PLEKHG3: variants seen among roughly 807,000 people sequenced by gnomAD.
PLEKHG3 encodes the protein pleckstrin homology domain-containing family G member 3.
A neutral mutation model predicts 94.9 loss-of-function variants in PLEKHG3; 62 were observed. The observed-to-expected ratio is 0.65, with a 90% confidence interval of 0.53 to 0.81. The LOEUF is 0.81. Among genes scored for constraint, PLEKHG3 ranks in the 30% least tolerant of loss-of-function variants. The probability of loss-of-function intolerance (pLI) is 0.00; values close to 1 mark genes in which losing one functional copy is unlikely to be tolerated. For synonymous variants in PLEKHG3, 614 were observed against 654.0 expected, an observed-to-expected ratio of 0.94 and a Z score of 0.93; for missense variants, 1,461 against 1,619.3, an observed-to-expected ratio of 0.90 and a Z score of 1.68.
chr14:64,750,249 G>A lies in PLEKHG3; in HGVS notation c.*6546G>A. ...TCACCATTAAAAAAAATTACACCAT[G>A]TTTGTTCTGATACATAGTAACATGT... On this transcript the variant is annotated 3_prime_UTR_variant, in exon 17 of 17. Transcript: ENST00000247226. 1 of 1,279,570 alleles carries A rather than the reference G, an allele frequency of 7.8e-7. No homozygotes were observed. The highest frequency in any genetic ancestry group is 1.1e-6 in the Non-Finnish European group (1 of 929,412). The allele number at this position is 1,279,570 out of a possible 1,614,324, so 79.3% of individuals were successfully genotyped here.
chr14:64,738,204 C>A lies in PLEKHG3; in HGVS notation c.1405-538C>A. ...CTGGCACTATCGGGCCAACGCTTTA[C>A]TTTTCTCCCGGGGCGCTATGGTGAG... On this transcript the variant is annotated intron_variant, in intron 14 of 16. Transcript: ENST00000247226. The surrounding 1 kb of genome is among the most constrained non-coding windows in gnomAD (Gnocchi z 4.8). The A allele has an allele frequency of 7.8e-7, 1 of 1,289,120 alleles. No individual in the cohort carries two copies. The highest frequency in any genetic ancestry group is 1.0e-6 in the Non-Finnish European group (1 of 989,074). The allele number at this position is 1,289,120 out of a possible 1,614,324, so 79.9% of individuals were successfully genotyped here.
intron 3 of PLEKHG3, among the ~76,000 whole-genome samples, chr14:64,729,657 C>G (rs1267873867): frequency 6.6e-6 from 1 of 152,142 alleles, no homozygotes; most frequent in Non-Finnish European, 1.5e-5. Context: ...AACAGCGGTG[C>G]TAGGACAGGA....
At chr14:64,711,408 CT>C (rs779751938) in intron 1 of PLEKHG3, among the ~76,000 whole-genome samples, 7 of 149,406 alleles carry the variant, frequency 4.7e-5, no homozygotes, top group African/African-American at 1.5e-4. Context: ...AACAAGAATG[CT>C]TTTTTTTTGT....
rs953015980 is a variant in PLEKHG3 at position 64,717,201 on chromosome 14, G to C, written c.-39-10392G>C. ...CCACTTTCCTAACTTCTCTGGGTCA[G>C]GCACCAAGCCCAAGGTCAGAGCCCA... is the stretch of plus-strand genomic sequence containing the variant. On this transcript the variant is annotated intron_variant, in intron 1 of 16. Transcript: ENST00000247226. This position sits in a 1 kb window ranked among gnomAD's most constrained non-coding sequence, Gnocchi z 4.7. 6.6e-6 allele frequency among the ~76,000 whole-genome samples: 1 copy of C among 152,000 alleles called. No homozygotes were observed.
Position 64,741,162 on chromosome 14 carries a change from C to G in PLEKHG3, c.1645C>G (p.Gln549Glu). Residue 549 changes from glutamine (Q) to glutamate (E), a missense_variant, in exon 16 of 17, where the codon CAG becomes GAG. Around this residue, in one of 3 missense-constraint regions of PLEKHG3, gnomAD observed 1,201 missense variants for 1,295.5 expected, o/e 0.93. Transcript: ENST00000247226. ...CCTGGAGACACAGCTTGATGCCCACCAGGGCCTTCTGGGGATGGACCCCCC... is the reference window on the plus strand; with the variant it reads ...CCTGGAGACACAGCTTGATGCCCACGAGGGCCTTCTGGGGATGGACCCCCC... Reference protein sequence around the residue: ...EVLETQLDAHQGLLGMDPPGD... With the variant: ...EVLETQLDAHEGLLGMDPPGD... 1 of 1,614,148 alleles carries G rather than the reference C, an allele frequency of 6.2e-7. No individual in the cohort carries two copies. Among genetic ancestry groups the G allele is most frequent in the Non-Finnish European group, 8.5e-7 (1 of 1,180,020 alleles).
In PLEKHG3 at chr14:64,737,937, G is replaced by A. The variant is rs1370877319; in HGVS notation, c.1404+562G>A. 5.7e-6 allele frequency: 7 copies of A among 1,224,606 alleles called. No individual in the cohort carries two copies. In the South Asian group the frequency reaches 5.8e-5, roughly 10 times the overall value. 75.9% of individuals were successfully genotyped at this position (1,224,606 alleles called of 1,614,324 possible). On this transcript the variant is annotated intron_variant, in intron 14 of 16. Transcript: ENST00000247226. ...TCGGGGCCTGCAGCCAGAGGCTGAA[G>A]GGGCTACCCAGGAGGAGGAAGAGGA...
rs190611029 is a variant in PLEKHG3, at chr14:64,744,485, C to G, written c.*782C>G. The G allele has an allele frequency of 6.6e-6, 1 of 152,270 alleles. No individual in the cohort carries two copies. Among genetic ancestry groups the G allele is most frequent in the Admixed American group, 6.5e-5 (1 of 15,270 alleles). 9.4% of individuals were successfully genotyped at this position (152,270 alleles called of 1,614,324 possible). A position where few individuals can be genotyped will look rare whatever the true frequency, so the allele number is the denominator to read the frequency against. On this transcript the variant is annotated 3_prime_UTR_variant, in exon 17 of 17. Transcript: ENST00000247226. ...TTGGGCTTATGAAACATAAGGCACCCGGGTACTGGTGGGGGAGGTGGGGCA... is the reference window on the plus strand; with the variant it reads ...TTGGGCTTATGAAACATAAGGCACCGGGGTACTGGTGGGGGAGGTGGGGCA...
At position 64,731,831 on chromosome 14, in the gene PLEKHG3, G is replaced by T; in HGVS notation, c.1125+25G>T. On this transcript the variant is annotated intron_variant, in intron 9 of 16. Transcript: ENST00000247226. This position sits in a 1 kb window ranked among gnomAD's most constrained non-coding sequence, Gnocchi z 6.1. ...GGTGAGGGGAAGGTGGGGCTCAGGG[G>T]CTAGGGAACAAGATGCCCAGGGGAC... is the stretch of plus-strand genomic sequence containing the variant. 7.8e-6 allele frequency: 12 copies of T among 1,541,202 alleles called. No homozygotes were observed. The Middle Eastern group carries it at 1.0e-3, about 130-fold the overall frequency.
chr14:64,732,813 G>A lies in PLEKHG3; in HGVS notation c.1257G>A (p.Arg419=), dbSNP rs1444215584. 1.9e-6 allele frequency: 3 copies of A among 1,606,414 alleles called. No homozygotes were observed. The highest frequency in any genetic ancestry group is 2.5e-6 in the Non-Finnish European group (3 of 1,176,966). The part of the protein sequence containing the change: ...ILEMDSYYPN[R]YRCSPERLKK... ...CTCTCCTGGGTGCAGATCCCAATCG[G>A]TACCGCTGCAGCCCAGAGCGGCTGA... is the stretch of plus-strand genomic sequence containing the variant. The change falls in exon 12 of 17, where the codon CGG becomes CGA. Residue 419 remains arginine, a synonymous_variant. Coordinates refer to ENST00000247226, the MANE Select transcript of PLEKHG3 (RefSeq NM_001308147.2). The surrounding 1 kb of genome is among the most constrained non-coding windows in gnomAD (Gnocchi z 4.9).
intron 1 of PLEKHG3, among the ~76,000 whole-genome samples, chr14:64,711,078 AG>A (rs1566690295): frequency 1.3e-5 from 2 of 152,204 alleles, no homozygotes; most frequent in African/African-American, 4.8e-5. Context: ...AATAAGACCA[AG>A]TAGGTGGTTT....
At position 64,727,799 on chromosome 14, in the gene PLEKHG3, G is replaced by A. The variant is rs199933578; in HGVS notation, c.168G>A (p.Arg56=). The A allele has an allele frequency of 2.5e-6, 4 of 1,610,606 alleles. No homozygotes were observed. The highest frequency in any genetic ancestry group is 2.2e-5 in the East Asian group (1 of 44,754). The change falls in exon 2 of 17, where the codon CGG becomes CGA. Residue 56 remains arginine (R), a synonymous_variant. Transcript: ENST00000247226. This position sits in a 1 kb window ranked among gnomAD's most constrained non-coding sequence, Gnocchi z 6.0. Reference sequence around the variant, plus strand: ...ATGGGGCAGGCTCCCTGAGAAGCCGGCATCTGCCCAACAGCAACAACAACT... The same window carrying A: ...ATGGGGCAGGCTCCCTGAGAAGCCGACATCTGCCCAACAGCAACAACAACT... ...AKNGAGSLRS[R]HLPNSNNNSS...
At position 64,749,735 on chromosome 14, in the gene PLEKHG3, T is replaced by C. The variant is rs1566729982; in HGVS notation, c.*6032T>C. ...GGGTTTCCTGTCATGGAGACACCTC[T>C]GGAGGGGGCGCTGGGCAGAGGGCTG... On this transcript the variant is annotated 3_prime_UTR_variant, in exon 17 of 17. Transcript: ENST00000247226. The surrounding 1 kb of genome is among the most constrained non-coding windows in gnomAD (Gnocchi z 4.7). The C allele has an allele frequency of 1.9e-6, 3 of 1,608,562 alleles. No homozygotes were observed. The highest frequency in any genetic ancestry group is 2.5e-6 in the Non-Finnish European group (3 of 1,177,418).
rs566155123 is a variant in PLEKHG3 at position 64,705,109 on chromosome 14, C to T, written c.-40+405C>T. 7.9e-4 allele frequency among the ~76,000 whole-genome samples: 120 copies of T among 152,310 alleles called. 1 individual carries two copies. The highest frequency in any genetic ancestry group is 2.7e-3 in the African/African-American group (113 of 41,582). On this transcript the variant is annotated intron_variant, in intron 1 of 16. Coordinates refer to ENST00000247226, the MANE Select transcript of PLEKHG3 (RefSeq NM_001308147.2). ...TTCTGCGCGAGGACCCGAGCCTCGGCTCCTGCCAGCCCCGGAGGCGCCTGC... is the reference window on the plus strand; with the variant it reads ...TTCTGCGCGAGGACCCGAGCCTCGGTTCCTGCCAGCCCCGGAGGCGCCTGC...
chr14:64,749,291 C>T lies in PLEKHG3; in HGVS notation c.*5588C>T, dbSNP rs745803591. 16 of 1,579,840 alleles carry T rather than the reference C, an allele frequency of 1.0e-5. No homozygotes were observed. In the Admixed American group the frequency reaches 1.9e-4, roughly 19 times the overall value. On this transcript the variant is annotated 3_prime_UTR_variant, in exon 17 of 17. Coordinates refer to ENST00000247226, the MANE Select transcript of PLEKHG3 (RefSeq NM_001308147.2). This position sits in a 1 kb window ranked among gnomAD's most constrained non-coding sequence, Gnocchi z 4.7. ...CTGCGCGTCCCGACTCCGCCGCGCCCGCCAGCCCCACCTGCTACTTCTTTT... is the reference window on the plus strand; with the variant it reads ...CTGCGCGTCCCGACTCCGCCGCGCCTGCCAGCCCCACCTGCTACTTCTTTT...
chr14:64,749,572 AG>A lies in PLEKHG3; in HGVS notation c.*5874del. ...GGGGCTCTTGGGACTGCCCCTTCTG[AG>A]GGGGCCTCCAGGGCAAGCGGCCTGG... is the stretch of plus-strand genomic sequence containing the variant. On this transcript the variant is annotated 3_prime_UTR_variant, in exon 17 of 17. Coordinates refer to ENST00000247226, the MANE Select transcript of PLEKHG3 (RefSeq NM_001308147.2). The surrounding 1 kb of genome is among the most constrained non-coding windows in gnomAD (Gnocchi z 4.7). 1 of 1,606,792 alleles carries A rather than the reference AG, an allele frequency of 6.2e-7. No individual in the cohort carries two copies.
chr14:64,725,501 A>G lies in PLEKHG3; in HGVS notation c.-39-2092A>G, dbSNP rs186600678. On this transcript the variant is annotated intron_variant, in intron 1 of 16. Coordinates refer to ENST00000247226, the MANE Select transcript of PLEKHG3 (RefSeq NM_001308147.2). The surrounding 1 kb of genome is among the most constrained non-coding windows in gnomAD (Gnocchi z 5.0). ...TTTTATCTGTCAGTGCTGGAATGACATGGTGTTGCCCTGCCTGCTGGTTCT... is the reference window on the plus strand; with the variant it reads ...TTTTATCTGTCAGTGCTGGAATGACGTGGTGTTGCCCTGCCTGCTGGTTCT... 9.8e-5 allele frequency among the ~76,000 whole-genome samples: 15 copies of G among 152,312 alleles called. No individual in the cohort carries two copies. The East Asian group carries it at 2.7e-3, about 27-fold the overall frequency.
rs911168873 is a variant in PLEKHG3 at position 64,750,219 on chromosome 14, T to C, written c.*6516T>C. ...ATGGTATCTCTAGAGTCAATTCCTATAGCTTCACCATTAAAAAAAATTACA... is the reference window on the plus strand; with the variant it reads ...ATGGTATCTCTAGAGTCAATTCCTACAGCTTCACCATTAAAAAAAATTACA... On this transcript the variant is annotated 3_prime_UTR_variant, in exon 17 of 17. Coordinates refer to ENST00000247226, the MANE Select transcript of PLEKHG3 (RefSeq NM_001308147.2). 6.6e-7 allele frequency: 1 copy of C among 1,519,104 alleles called. No homozygotes were observed. The highest frequency in any genetic ancestry group is 8.9e-7 in the Non-Finnish European group (1 of 1,121,860). 94.1% of individuals were successfully genotyped at this position (1,519,104 alleles called of 1,614,324 possible). A position where few individuals can be genotyped will look rare whatever the true frequency, so the allele number is the denominator to read the frequency against.
rs895585155 is a variant in PLEKHG3 at position 64,731,772 on chromosome 14, A to C, written c.1091A>C (p.His364Pro). 17 of 1,613,520 alleles carry C rather than the reference A, an allele frequency of 1.1e-5. No homozygotes were observed. Among genetic ancestry groups the C allele is most frequent in the Non-Finnish European group, 1.4e-5 (16 of 1,179,756 alleles). Residue 364 changes from histidine to proline, a missense_variant, in exon 9 of 17, where the codon CAC becomes CCC. His to Pro is a moderately conservative substitution (Grantham distance 77). Around this residue, in one of 3 missense-constraint regions of PLEKHG3, gnomAD observed 1,201 missense variants for 1,295.5 expected, o/e 0.93. Coordinates refer to ENST00000247226, the MANE Select transcript of PLEKHG3 (RefSeq NM_001308147.2). The surrounding 1 kb of genome is among the most constrained non-coding windows in gnomAD (Gnocchi z 6.1). ...TRDSLCFTVT[H>P]YKHSKQQYSI... ...GACTCCCTGTGCTTCACTGTCACCC[A>C]CTACAAGCACAGCAAGCAGCAGTAC...
rs1000145896 is a variant in PLEKHG3 at position 64,716,176 on chromosome 14, C to T, written c.-39-11417C>T. Reference sequence around the variant, plus strand: ...TCAACTCCGGGCCTCTAAGCCTTGCCGGACTTCCCCCAGGAAACCCAGCCA... The same window carrying T: ...TCAACTCCGGGCCTCTAAGCCTTGCTGGACTTCCCCCAGGAAACCCAGCCA... On this transcript the variant is annotated intron_variant, in intron 1 of 16. Transcript: ENST00000247226. This position sits in a 1 kb window ranked among gnomAD's most constrained non-coding sequence, Gnocchi z 5.0. 7 of 386,152 alleles carry T rather than the reference C, an allele frequency of 1.8e-5. No individual in the cohort carries two copies. The highest frequency in any genetic ancestry group is 8.4e-5 in the African/African-American group (4 of 47,602). 23.9% of individuals were successfully genotyped at this position (386,152 alleles called of 1,614,324 possible).
Sources: allele counts gnomAD v4.1 joint callset (sites outside exome capture counted in the v4.1 genomes callset), GRCh38; gene constraint gnomAD v4.1.1; regional missense constraint gnomAD v4.1.1; non-coding constraint Gnocchi (gnomAD v3.1); transcripts MANE v1.5; gene names NCBI Gene and HGNC (gene_info 2026-07-23, HGNC 2026-07-21).